The following RORA variants were observed in gnomAD, a reference collection of about 807,000 sequenced individuals.
RORA encodes the protein nuclear receptor ROR-alpha.
In RORA, 7 loss-of-function variants were observed where a neutral mutation model predicts 69.5. The observed-to-expected ratio is 0.10, with a 90% confidence interval of 0.06 to 0.19. RORA has a LOEUF of 0.19. RORA is among the 10% of genes least tolerant of loss of function. The pLI, the probability that RORA is intolerant of heterozygous loss-of-function variation, is 1.00. For synonymous variants in RORA, 261 were observed against 240.8 expected (o/e 1.08, Z -0.78); for missense variants, 457 against 663.0 (o/e 0.69, Z 3.41).
intron 1 of RORA, among the ~76,000 whole-genome samples, chr15:60,963,677 A>G (rs1213604345): frequency 6.6e-6 from 1 of 152,192 alleles, no homozygotes; most frequent in African/African-American, 2.4e-5. Flanking sequence ...TCTGAGCACT[A>G]TGTGTTGATG....
At chr15:61,015,125 A>G (rs1431765704) in intron 1 of RORA, among the ~76,000 whole-genome samples, 4 of 152,204 alleles carry the variant, frequency 2.6e-5, no homozygotes, top group Admixed American at 6.5e-5. Flanking sequence ...GCCTATCAAT[A>G]AATATTAAAG....
intron 1 of RORA, chr15:60,681,651 T>A (rs1306193885): frequency 6.6e-6 from 1 of 152,190 alleles, no homozygotes; most frequent in East Asian, 1.9e-4. Flanking sequence ...TGTGCCTGGG[T>A]TTGTTACCAG....
At chr15:60,836,227 A>T (rs1226703374) in intron 1 of RORA, among the ~76,000 whole-genome samples, 1 of 152,226 alleles carries the variant, frequency 6.6e-6, no homozygotes, top group African/African-American at 2.4e-5. Context: ...CAGGACTATG[A>T]TGTGGCTTGA....
chr15:61,118,486 TCAG>T (rs1431323241), intron 1 of RORA, among the ~76,000 whole-genome samples: 1 of 152,194 alleles, frequency 6.6e-6, no homozygotes, highest in Non-Finnish European at 1.5e-5. Context: ...AAATTCAGTT[TCAG>T]CAGATTTTCT....
chr15:61,063,581 A>C (rs1236862256), intron 1 of RORA, among the ~76,000 whole-genome samples: 1 of 152,212 alleles, frequency 6.6e-6, no homozygotes, highest in Admixed American at 6.5e-5. Flanking sequence ...AGCCTGGGTG[A>C]AATCTTTGTC....
chr15:61,040,590 T>C (rs1312721922), intron 1 of RORA, among the ~76,000 whole-genome samples: 1 of 152,118 alleles, frequency 6.6e-6, no homozygotes. Flanking sequence ...ATGACAAGCA[T>C]GTGATGTGTA....
chr15:60,510,216 C>T (rs1347590831), intron 5 of RORA, among the ~76,000 whole-genome samples: 1 of 152,168 alleles, frequency 6.6e-6, no homozygotes, highest in Non-Finnish European at 1.5e-5. Flanking sequence ...ATTGACATAT[C>T]CCAAAGGATT....
At chr15:60,801,809 T>G (rs2072585782) in intron 1 of RORA, among the ~76,000 whole-genome samples, 1 of 152,232 alleles carries the variant, frequency 6.6e-6, no homozygotes, top group Non-Finnish European at 1.5e-5. Context: ...CAGGCTTGTG[T>G]GGAATAATCC....
chr15:60,661,505 T>C (rs1420050076), intron 2 of RORA, among the ~76,000 whole-genome samples: 1 of 152,184 alleles, frequency 6.6e-6, no homozygotes. Context: ...CACAGGGATC[T>C]CCAAAAGAAT....
At chr15:60,541,724 A>G (rs113930412) in intron 2 of RORA, among the ~76,000 whole-genome samples, 130 of 152,336 alleles carry the variant, frequency 8.5e-4, no homozygotes, top group Middle Eastern at 6.8e-3. Flanking sequence ...CTGAGCATCA[A>G]TGCACACACT....
intron 1 of RORA, among the ~76,000 whole-genome samples, chr15:60,973,736 A>G (rs565673625): frequency 6.6e-6 from 1 of 152,310 alleles, no homozygotes; most frequent in African/African-American, 2.4e-5. Context: ...AACAAAGAGA[A>G]AACTCACCTT....
chr15:60,497,835 G>A (rs1283734908), intron 10 of RORA, among the ~76,000 whole-genome samples: 1 of 152,020 alleles, frequency 6.6e-6, no homozygotes, highest in African/African-American at 2.4e-5. Flanking sequence ...GAGGCGGTTG[G>A]ATTGCCTGAG....
At chr15:61,013,196 G>A (rs1255614473) in intron 1 of RORA, among the ~76,000 whole-genome samples, 4 of 152,164 alleles carry the variant, frequency 2.6e-5, no homozygotes, top group Non-Finnish European at 5.9e-5. Flanking sequence ...TAATGGAAAC[G>A]ATAATATGTA....
At chr15:60,918,061 A>G (rs761277347) in intron 1 of RORA, among the ~76,000 whole-genome samples, 9 of 152,228 alleles carry the variant, frequency 5.9e-5, no homozygotes, top group Non-Finnish European at 1.3e-4. Flanking sequence ...TCCTTTCGAC[A>G]ACCCCAGGAG....
chr15:61,013,290 AT>A (rs1197374203), intron 1 of RORA, among the ~76,000 whole-genome samples: 1 of 152,218 alleles, frequency 6.6e-6, no homozygotes. Context: ...AGTCATGCCC[AT>A]TTGTTTATGA....
At chr15:60,932,057 T>G (rs1292079690) in intron 1 of RORA, among the ~76,000 whole-genome samples, 3 of 152,026 alleles carry the variant, frequency 2.0e-5, no homozygotes, top group Non-Finnish European at 4.4e-5. Flanking sequence ...ATGAAGATCC[T>G]ATACTGGAGG....
chr15:60,991,335 T>C (rs1332477805), intron 1 of RORA, among the ~76,000 whole-genome samples: 1 of 152,182 alleles, frequency 6.6e-6, no homozygotes, highest in Non-Finnish European at 1.5e-5. Flanking sequence ...CGGATTTACT[T>C]GGAAACTACA....
intron 1 of RORA, among the ~76,000 whole-genome samples, chr15:61,214,867 T>TA (rs2080024394): frequency 7.0e-6 from 1 of 143,564 alleles, no homozygotes; most frequent in African/African-American, 2.6e-5. Flanking sequence ...CTTGGACTTT[T>TA]TTTTTTTTTT....
chr15:60,916,184 C>G (rs1348294082), intron 1 of RORA, among the ~76,000 whole-genome samples: 1 of 152,208 alleles, frequency 6.6e-6, no homozygotes, highest in Non-Finnish European at 1.5e-5. Context: ...TGTCGTTTGA[C>G]TGATTGGGTC....
Sources: allele counts gnomAD v4.1 joint callset (sites outside exome capture counted in the v4.1 genomes callset), GRCh38; gene constraint gnomAD v4.1.1; transcripts MANE v1.5; gene names NCBI Gene and HGNC (gene_info 2026-07-23, HGNC 2026-07-21).